The following GABRB1 variants were observed in gnomAD, a reference collection of about 807,000 sequenced individuals.
GABRB1 encodes the protein gamma-aminobutyric acid type A receptor subunit beta1, also known as gamma-aminobutyric acid receptor subunit beta-1.
GABRB1 carries 17 observed loss-of-function variants against 51.6 expected under a neutral mutation model. That is an observed-to-expected ratio of 0.33 (90% confidence interval 0.23 to 0.49). The LOEUF (loss-of-function observed/expected upper bound fraction) is 0.49. Ranked by LOEUF, GABRB1 falls within the 20% of genes least tolerant of loss-of-function variation. GABRB1 has a pLI of 0.99. For synonymous variants in GABRB1, 247 were observed against 218.9 expected (o/e 1.13, Z -1.14); for missense variants, 410 against 600.6 (o/e 0.68, Z 3.32).
At chr4:47,110,013 T>C (rs1444171710) in intron 3 of GABRB1, among the ~76,000 whole-genome samples, 2 of 152,136 alleles carry the variant, frequency 1.3e-5, no homozygotes, top group East Asian at 3.9e-4. Context: ...ATATTAAGCA[T>C]TGAGTTTGGG....
chr4:47,365,217 C>T (rs1726934263), intron 5 of GABRB1, among the ~76,000 whole-genome samples: 1 of 152,190 alleles, frequency 6.6e-6, no homozygotes, highest in African/African-American at 2.4e-5. Flanking sequence ...GCTCAGCTTG[C>T]ATGACTGCTA....
intron 4 of GABRB1, among the ~76,000 whole-genome samples, chr4:47,257,034 G>C (rs1722231961): frequency 1.3e-5 from 2 of 151,948 alleles, no homozygotes; most frequent in Admixed American, 1.3e-4. Flanking sequence ...TTTTCCACCT[G>C]CTTTCTACCC....
At chr4:47,198,246 CA>C (rs1388551158) in intron 4 of GABRB1, among the ~76,000 whole-genome samples, 1 of 152,162 alleles carries the variant, frequency 6.6e-6, no homozygotes, top group Non-Finnish European at 1.5e-5. Flanking sequence ...GGGATAAACT[CA>C]GAGGGACTGA....
chr4:47,254,361 GTTTTTTTTTTTTTTT>G (rs56838956), intron 4 of GABRB1, among the ~76,000 whole-genome samples: 7 of 80,966 alleles, frequency 8.6e-5, no homozygotes, highest in East Asian at 3.8e-4. Flanking sequence ...TCTTTTCTTT[GTTTTTTTTTTTTTTT>G]TTTTTTTTTT....
intron 3 of GABRB1, among the ~76,000 whole-genome samples, chr4:47,037,537 TG>T (rs1488852237): frequency 2.6e-5 from 3 of 114,872 alleles, no homozygotes; most frequent in African/African-American, 9.7e-5. Context: ...CGTTTTTTTT[TG>T]TTGTTGTTGT....
intron 3 of GABRB1, among the ~76,000 whole-genome samples, chr4:47,034,340 G>C (rs1725462024): frequency 6.6e-6 from 1 of 151,964 alleles, no homozygotes; most frequent in Non-Finnish European, 1.5e-5. Flanking sequence ...TGTATAATTA[G>C]TTGTTCAACT....
intron 4 of GABRB1, among the ~76,000 whole-genome samples, chr4:47,266,408 TC>T (rs1406085789): frequency 1.3e-5 from 2 of 152,180 alleles, no homozygotes; most frequent in East Asian, 3.9e-4. Context: ...CCATTTGGGC[TC>T]TTTTTTTGGT....
chr4:47,083,865 C>G (rs187319221), intron 3 of GABRB1, among the ~76,000 whole-genome samples: 2 of 152,210 alleles, frequency 1.3e-5, no homozygotes, highest in African/African-American at 4.8e-5. Context: ...AAGACACACC[C>G]CTATGTCTAA....
rs1341225929 is a variant in GABRB1 at position 47,032,022 on chromosome 4, T to C, written c.172+17T>C. The C allele has an allele frequency of 1.3e-5, 20 of 1,594,290 alleles. No homozygotes were observed. The highest frequency in any genetic ancestry group is 1.7e-5 in the Non-Finnish European group (20 of 1,163,266). On this transcript the variant is annotated intron_variant, in intron 2 of 8. Transcript: ENST00000295454. ...ACTTCGGAGGTAACGCTTCATCTTT[T>C]TTCAACCTGTAACCCATCCTTAGTT...
rs946013422 is a variant in GABRB1 at position 47,079,470 on chromosome 4, A to AT, written c.240+46995dup. On this transcript the variant is annotated intron_variant, in intron 3 of 8. Transcript: ENST00000295454. Reference sequence around the variant, plus strand: ...GATTGGTGGTGATATCCCCTTTATCATTTTTTTTTGACCCATCTCATTACT... The same window carrying AT: ...GATTGGTGGTGATATCCCCTTTATCATTTTTTTTTTGACCCATCTCATTACT... 2.0e-3 allele frequency among the ~76,000 whole-genome samples: 295 copies of AT among 150,004 alleles called. 2 individuals carry two copies. The highest frequency in any genetic ancestry group is 6.5e-3 in the African/African-American group (266 of 40,928).
chr4:47,202,901 C>T (rs1214449955), intron 4 of GABRB1, among the ~76,000 whole-genome samples: 1 of 151,962 alleles, frequency 6.6e-6, no homozygotes, highest in African/African-American at 2.4e-5. Flanking sequence ...AAATAAAGGC[C>T]CCAGAGGACA....
chr4:47,117,551 T>A (rs1212674770), intron 3 of GABRB1, among the ~76,000 whole-genome samples: 1 of 152,146 alleles, frequency 6.6e-6, no homozygotes, highest in Non-Finnish European at 1.5e-5. Context: ...GTTCAGGAGC[T>A]CAGGGAAAAC....
At chr4:47,179,525 A>G (rs537240368) in intron 4 of GABRB1, among the ~76,000 whole-genome samples, 4 of 151,952 alleles carry the variant, frequency 2.6e-5, no homozygotes, top group Non-Finnish European at 4.4e-5. Context: ...AAGACTTGGA[A>G]CCAACCCAAA....
chr4:47,154,481 T>A (rs908485923), intron 3 of GABRB1, among the ~76,000 whole-genome samples: 2 of 152,016 alleles, frequency 1.3e-5, no homozygotes, highest in African/African-American at 4.8e-5. Context: ...CATCTCTAGG[T>A]CTAAGATTTC....
chr4:47,186,469 A>T (rs928402613), intron 4 of GABRB1, among the ~76,000 whole-genome samples: 5 of 151,854 alleles, frequency 3.3e-5, no homozygotes, highest in African/African-American at 1.2e-4. Flanking sequence ...GGTAGTCTCA[A>T]ATGTCCTTGA....
At chr4:47,424,449 G>C (rs1304906984) in intron 8 of GABRB1, among the ~76,000 whole-genome samples, 3 of 152,110 alleles carry the variant, frequency 2.0e-5, no homozygotes, top group Non-Finnish European at 4.4e-5. Flanking sequence ...ACTGTACCAC[G>C]GTTGCACCAT....
At chr4:47,052,480 A>G (rs1577862663) in intron 3 of GABRB1, among the ~76,000 whole-genome samples, 1 of 152,300 alleles carries the variant, frequency 6.6e-6, no homozygotes, top group East Asian at 1.9e-4. Flanking sequence ...CCACATGCGC[A>G]ATTACTTACA....
rs200997110 is a variant in GABRB1 at position 47,048,283 on chromosome 4, C to T, written c.240+15799C>T. 9.9e-5 allele frequency among the ~76,000 whole-genome samples: 15 copies of T among 152,220 alleles called. No homozygotes were observed. The East Asian group carries it at 2.5e-3, about 26-fold the overall frequency. ...ATGAATTAAGTCTCTCTTCTTGGAACGACTAACTTGTGACCTTACGGTGCA... is the reference window on the plus strand; with the variant it reads ...ATGAATTAAGTCTCTCTTCTTGGAATGACTAACTTGTGACCTTACGGTGCA... On this transcript the variant is annotated intron_variant, in intron 3 of 8. Coordinates refer to ENST00000295454, the MANE Select transcript of GABRB1 (RefSeq NM_000812.4).
intron 3 of GABRB1, among the ~76,000 whole-genome samples, chr4:47,048,110 T>G (rs1309964220): frequency 6.6e-6 from 1 of 152,140 alleles, no homozygotes; most frequent in African/African-American, 2.4e-5. Context: ...GGTTCAAAAA[T>G]TTTTACTTTA....
Sources: gnomAD v4.1 joint callset for allele counts (sites outside exome capture counted in the v4.1 genomes callset) on GRCh38, gnomAD v4.1.1 for gene constraint, MANE v1.5 for transcripts, NCBI Gene and HGNC (gene_info 2026-07-23, HGNC 2026-07-21) for gene names.